Variants in RGPD8 observed in about 807,000 individuals in gnomAD.
RGPD8 encodes the protein RANBP2 like and GRIP domain containing 8.
Under a neutral mutation model 89.1 loss-of-function variants are expected in RGPD8, and 15 were observed. The observed-to-expected ratio is 0.17, with a 90% CI of 0.11 to 0.26. The LOEUF (loss-of-function observed/expected upper bound fraction) is 0.26, where lower values mean the gene tolerates loss of function less well. Ranked by LOEUF, RGPD8 falls within the 10% of genes least tolerant of loss-of-function variation. The pLI, the probability that RGPD8 is intolerant of heterozygous loss-of-function variation, is 1.00. For missense variants in RGPD8, 178 were observed against 1,179.6 expected (o/e 0.15, Z 12.44); for synonymous variants, 62 against 420.9 (o/e 0.15, Z 10.44).
At chr2:112,415,162 T>A (rs1473828276) in intron 6 of RGPD8, among the ~76,000 whole-genome samples, 7 of 151,218 alleles carry the variant, frequency 4.6e-5, no homozygotes, top group Non-Finnish European at 7.4e-5. Flanking sequence ...GGAGGGCAGA[T>A]CACGAGGTCA....
At chr2:112,431,829 A>G (rs545543091) in intron 1 of RGPD8, among the ~76,000 whole-genome samples, 4 of 152,198 alleles carry the variant, frequency 2.6e-5, no homozygotes, top group Non-Finnish European at 1.5e-5. Context: ...TAGTAGAGAC[A>G]AGGTTTCAAC....
chr2:112,424,214 G>T lies in RGPD8; in HGVS notation c.140+26C>A, dbSNP rs529461705. The T allele has an allele frequency of 4.8e-5, 76 of 1,580,690 alleles. No individual in the cohort carries two copies. In the Admixed American group the frequency reaches 1.2e-3, roughly 25 times the overall value. ...GAAAAGGCATTGATTTTAAAAAAAAGAATACATGTTACGGTTTGTACTTAC... is the reference window on the plus strand; with the variant it reads ...GAAAAGGCATTGATTTTAAAAAAAATAATACATGTTACGGTTTGTACTTAC... On this transcript the variant is annotated intron_variant, in intron 2 of 22. Coordinates refer to ENST00000302558, the MANE Select transcript of RGPD8 (RefSeq NM_001164463.1).
chr2:112,433,231 G>T, intron 1 of RGPD8, 151 bp downstream of exon 1: 2 of 928,110 alleles, frequency 2.2e-6, no homozygotes, highest in East Asian at 6.5e-5. Context: ...CCGCCGGGCC[G>T]GGTGGAGGCC....
rs1678206163 is a variant in RGPD8 at position 112,379,479 on chromosome 2, C to T, written c.5062-1225G>A. 6.7e-5 allele frequency among the ~76,000 whole-genome samples: 10 copies of T among 149,508 alleles called. No individual in the cohort carries two copies. In the South Asian group the frequency reaches 2.1e-3, roughly 32 times the overall value. On this transcript the variant is annotated intron_variant, in intron 21 of 22. Coordinates refer to ENST00000302558, the MANE Select transcript of RGPD8 (RefSeq NM_001164463.1). ...GCATGGTGGTGCATGCCTGCAGTCC[C>T]AGCTACTCGGGAGGCTGAGGCAGGG...
chr2:112,370,348 T>TTG (rs377253314), intron 22 of RGPD8, 136 bp from the exon 23 acceptor site: 1 of 63,970 alleles, frequency 1.6e-5, no homozygotes, highest in African/African-American at 6.8e-5. Context: ...CCTTTTTTGG[T>TTG]GGGGGGGGGG....
chr2:112,425,030 C>A (rs1679712986), intron 1 of RGPD8, among the ~76,000 whole-genome samples: 1 of 152,240 alleles, frequency 6.6e-6, no homozygotes, highest in East Asian at 1.9e-4. Context: ...TGACACTGCA[C>A]TCCAGCCTGG....
chr2:112,424,027 G>GTA (rs1448966799), intron 2 of RGPD8, among the ~76,000 whole-genome samples: 1 of 152,166 alleles, frequency 6.6e-6, no homozygotes, highest in African/African-American at 2.4e-5. Context: ...CTTGCCCTTG[G>GTA]TATAAAGCAG....
intron 6 of RGPD8, among the ~76,000 whole-genome samples, chr2:112,416,088 C>CAAAAAAAA (rs1168507298): frequency 1.7e-3 from 155 of 88,868 alleles, no homozygotes; most frequent in Middle Eastern, 0.011. Flanking sequence ...GACTCCATCT[C>CAAAAAAAA]AAAAAAAAAA....
chr2:112,429,247 C>T (rs1007954422), intron 1 of RGPD8, among the ~76,000 whole-genome samples: 14 of 151,548 alleles, frequency 9.2e-5, no homozygotes, highest in African/African-American at 2.4e-4. Context: ...GGTGAAACTC[C>T]GTCTCTACTA....
chr2:112,371,045 TAA>T (rs993965702), intron 22 of RGPD8, among the ~76,000 whole-genome samples: 2 of 151,492 alleles, frequency 1.3e-5, no homozygotes, highest in African/African-American at 4.9e-5. Flanking sequence ...TTGTTGACGA[TAA>T]GAGGATTTTA....
chr2:112,379,113 TA>T (rs1488903326), intron 21 of RGPD8, among the ~76,000 whole-genome samples: 1 of 144,940 alleles, frequency 6.9e-6, no homozygotes, highest in Non-Finnish European at 1.5e-5. Context: ...AAGAACAATA[TA>T]AAAAAGGTAA....
chr2:112,371,899 A>G (rs1677976368), intron 22 of RGPD8, among the ~76,000 whole-genome samples: 2 of 151,016 alleles, frequency 1.3e-5, no homozygotes, highest in African/African-American at 4.9e-5. Flanking sequence ...GTTACAAGTC[A>G]TTTTATTTTT....
intron 6 of RGPD8, among the ~76,000 whole-genome samples, chr2:112,414,963 T>G (rs1574014496): frequency 2.1e-5 from 2 of 97,080 alleles, no homozygotes; most frequent in African/African-American, 4.4e-5. Flanking sequence ...GAGCTTGCAG[T>G]GAGCCGAGAT....
intron 1 of RGPD8, among the ~76,000 whole-genome samples, chr2:112,430,397 A>G (rs1188164557): frequency 6.6e-6 from 1 of 152,190 alleles, no homozygotes; most frequent in Non-Finnish European, 1.5e-5. Flanking sequence ...TCACTAGTTA[A>G]TCCATATTCC....
intron 6 of RGPD8, among the ~76,000 whole-genome samples, chr2:112,414,441 CA>C (rs1679303284): frequency 1.8e-5 from 2 of 108,896 alleles, no homozygotes; most frequent in South Asian, 6.2e-4. Flanking sequence ...CACACTGTTG[CA>C]CTCTAGCCTG....
intron 7 of RGPD8, among the ~76,000 whole-genome samples, chr2:112,411,116 G>A (rs1427347262): frequency 4.6e-5 from 7 of 152,392 alleles, no homozygotes; most frequent in African/African-American, 1.7e-4. Context: ...TTAGAAGGAG[G>A]GGCCTTCTCT....
At chr2:112,382,027 G>C (rs1678322176) in intron 20 of RGPD8, among the ~76,000 whole-genome samples, 2 of 151,830 alleles carry the variant, frequency 1.3e-5, no homozygotes, top group African/African-American at 4.8e-5. Context: ...AATCTGGTAG[G>C]TGCCATCTAA....
Position 112,433,426 on chromosome 2 carries a change from G to A in RGPD8, c.28C>T (p.Arg10Trp). 5 of 1,609,964 alleles carry A rather than the reference G, an allele frequency of 3.1e-6. No homozygotes were observed. The highest frequency in any genetic ancestry group is 1.7e-5 in the Admixed American group (1 of 59,928). The change falls in exon 1 of 23, where the codon CGG becomes TGG. Residue 10 changes from arginine (R) to tryptophan (W), a missense_variant. Arg to Trp is a moderately radical substitution (Grantham distance 101). Transcript: ENST00000302558. Reference sequence around the variant, plus strand: ...AGACCCAGCACCGAGGCGACGTACCGCTCCACATCGGCCTTGCTGCGCCTC... The same window carrying A: ...AGACCCAGCACCGAGGCGACGTACCACTCCACATCGGCCTTGCTGCGCCTC... MRRSKADVE[R>W]YVASVLGLTP...
intron 22 of RGPD8, among the ~76,000 whole-genome samples, chr2:112,376,557 T>G (rs1164427556): frequency 8.1e-6 from 1 of 123,062 alleles, no homozygotes; most frequent in East Asian, 2.5e-4. Context: ...GGCTCACACC[T>G]GTAATCCCAG....
Sources: gnomAD v4.1 joint callset for allele counts (sites outside exome capture counted in the v4.1 genomes callset) on GRCh38, gnomAD v4.1.1 for gene constraint, MANE v1.5 for transcripts, NCBI Gene and HGNC (gene_info 2026-07-23, HGNC 2026-07-21) for gene names.